Variants in NR5A1 observed in about 807,000 individuals in gnomAD.
The protein encoded by NR5A1 is nuclear receptor subfamily 5 group A member 1, also known as steroidogenic factor 1.
Under a neutral mutation model 42.7 loss-of-function variants are expected in NR5A1, and 6 were observed. The ratio of observed to expected loss-of-function variants is 0.14; its 90% CI spans 0.08 to 0.28. NR5A1 has a LOEUF of 0.28. NR5A1 is among the 10% of genes least tolerant of loss of function. NR5A1 has a pLI of 1.00. For synonymous variants in NR5A1, 274 were observed against 277.5 expected, an observed-to-expected ratio of 0.99 and a Z score of 0.12; for missense variants, 442 against 626.4, an observed-to-expected ratio of 0.71 and a Z score of 3.14.
chr9:124,486,313 G>T (rs1441614517), intron 6 of NR5A1, among the ~76,000 whole-genome samples: 1 of 152,192 alleles, frequency 6.6e-6, no homozygotes, highest in Non-Finnish European at 1.5e-5. Context: ...CACCCCCCAG[G>T]CACCTTGCAC....
chr9:124,500,378 C>A lies in NR5A1; in HGVS notation c.582G>T (p.Lys194Asn), dbSNP rs967058845. The A allele has an allele frequency of 1.3e-6, 2 of 1,557,486 alleles. No homozygotes were observed. The highest frequency in any genetic ancestry group is 1.7e-6 in the Non-Finnish European group (2 of 1,151,220). ...TGGCATAAGGCTCCGGGTACTCAGACTTGATGGCACGGCCAGGAAAGGCAG... is the reference window on the plus strand; with the variant it reads ...TGGCATAAGGCTCCGGGTACTCAGAATTGATGGCACGGCCAGGAAAGGCAG... ...LYPAFPGRAIKSEYPEPYASP... is the reference protein window; with the variant it reads ...LYPAFPGRAINSEYPEPYASP... Residue 194 changes from lysine (K) to asparagine (N), a missense_variant, in exon 4 of 7, where the codon AAG becomes AAT. Around this residue, in one of 3 missense-constraint regions of NR5A1, gnomAD observed 208 missense variants for 203.8 expected, o/e 1.02. Coordinates refer to ENST00000373588, the MANE Select transcript of NR5A1 (RefSeq NM_004959.5). The surrounding 1 kb of genome is among the most constrained non-coding windows in gnomAD (Gnocchi z 6.9).
At chr9:124,487,694 C>T (rs892966052) in intron 6 of NR5A1, among the ~76,000 whole-genome samples, 5 of 152,190 alleles carry the variant, frequency 3.3e-5, no homozygotes, top group African/African-American at 1.2e-4. Flanking sequence ...GGCGGAGCCG[C>T]CCCCGAGGGG....
intron 4 of NR5A1, among the ~76,000 whole-genome samples, chr9:124,495,165 C>T (rs978946967): frequency 3.3e-5 from 5 of 152,350 alleles, no homozygotes; most frequent in Admixed American, 6.5e-5. Flanking sequence ...AGCTTTCTTC[C>T]CAGAGCCCCT....
chr9:124,496,773 C>CG lies in NR5A1; in HGVS notation c.870+3316dup, dbSNP rs1312801471. 6.6e-6 allele frequency among the ~76,000 whole-genome samples: 1 copy of CG among 152,170 alleles called. No homozygotes were observed. Among genetic ancestry groups the CG allele is most frequent in the East Asian group, 1.9e-4 (1 of 5,196 alleles). On this transcript the variant is annotated intron_variant, in intron 4 of 6. Transcript: ENST00000373588. This position sits in a 1 kb window ranked among gnomAD's most constrained non-coding sequence, Gnocchi z 5.0. ...TTAAATCTGCTGTCAGTGGGGGCCT[C>CG]GGAGCTGGATGTTGAGGGTGAACGG...
Position 124,500,222 on chromosome 9 carries a change from G to A in NR5A1, c.738C>T (p.Gly246=). The A allele has an allele frequency of 6.2e-7, 1 of 1,608,480 alleles. No individual in the cohort carries two copies. Among genetic ancestry groups the A allele is most frequent in the Admixed American group, 1.7e-5 (1 of 59,648 alleles). ...GGCTTTTGGTGGGCTCCTGCAGGCA[G>A]CCCAAGATGCGGGCCCGCACCTGGT... ...DEDQVRARIL[G]CLQEPTKSRP... Residue 246 remains glycine (G), a synonymous_variant, in exon 4 of 7, where the codon GGC becomes GGT. Coordinates refer to ENST00000373588, the MANE Select transcript of NR5A1 (RefSeq NM_004959.5). The surrounding 1 kb of genome is among the most constrained non-coding windows in gnomAD (Gnocchi z 6.9).
intron 5 of NR5A1, among the ~76,000 whole-genome samples, chr9:124,492,137 ACC>A (rs1156819911): frequency 6.6e-6 from 1 of 150,730 alleles, no homozygotes; most frequent in Non-Finnish European, 1.5e-5. Context: ...TGTCTTCCCC[ACC>A]CCACAGCACC....
In NR5A1 at chr9:124,496,665, C is replaced by A. The variant is rs1035816242; in HGVS notation, c.870+3425G>T. 6.6e-6 allele frequency among the ~76,000 whole-genome samples: 1 copy of A among 152,210 alleles called. No individual in the cohort carries two copies. The highest frequency in any genetic ancestry group is 1.5e-5 in the Non-Finnish European group (1 of 68,034). The stretch of plus-strand genomic sequence containing the variant: ...CCACGGGCTGGCCACTGCGCTCTGC[C>A]GGCAGAGTGGTCAGTGAGGTGTCAT... On this transcript the variant is annotated intron_variant, in intron 4 of 6. Transcript: ENST00000373588. This position sits in a 1 kb window ranked among gnomAD's most constrained non-coding sequence, Gnocchi z 5.0.
chr9:124,493,093 G>A lies in NR5A1; in HGVS notation c.927C>T (p.Asp309=). 1 of 1,611,856 alleles carries A rather than the reference G, an allele frequency of 6.2e-7. No homozygotes were observed. Among genetic ancestry groups the A allele is most frequent in the Admixed American group, 1.7e-5 (1 of 59,962 alleles). Residue 309 remains aspartate, a synonymous_variant, in exon 5 of 7, where the codon GAC becomes GAT. Coordinates refer to ENST00000373588, the MANE Select transcript of NR5A1 (RefSeq NM_004959.5). The stretch of plus-strand genomic sequence containing the variant: ...CGTGCTGGACCTGGCGGTAGATGTG[G>A]TCGAACACCAGCAGCTCGCTCCAGC... ...QNCWSELLVF[D]HIYRQVQHGK...
chr9:124,492,782 C>T (rs966858080), intron 5 of NR5A1, among the ~76,000 whole-genome samples: 6 of 152,368 alleles, frequency 3.9e-5, no homozygotes, highest in Non-Finnish European at 7.3e-5. Context: ...CCTCACCATG[C>T]CCACACCCCC....
At chr9:124,499,797 G>A (rs987227355) in intron 4 of NR5A1, among the ~76,000 whole-genome samples, 3 of 152,170 alleles carry the variant, frequency 2.0e-5, no homozygotes, top group Non-Finnish European at 4.4e-5. Flanking sequence ...AAGAAGCAGA[G>A]AGACAACATG....
At chr9:124,486,336 A>T (rs1832208888) in intron 6 of NR5A1, among the ~76,000 whole-genome samples, 1 of 152,194 alleles carries the variant, frequency 6.6e-6, no homozygotes, top group African/African-American at 2.4e-5. Flanking sequence ...AGCTCGGTTC[A>T]TCTCAGCAGA....
rs1353180219 is a variant in NR5A1, at chr9:124,496,060, G to C, written c.871-2911C>G. On this transcript the variant is annotated intron_variant, in intron 4 of 6. Coordinates refer to ENST00000373588, the MANE Select transcript of NR5A1 (RefSeq NM_004959.5). The surrounding 1 kb of genome is among the most constrained non-coding windows in gnomAD (Gnocchi z 5.0). Reference sequence around the variant, plus strand: ...TGCTGTTGGTTCTTACGTGGATGCTGCCCGGCCGGGATCCCACCTGCCCCT... The same window carrying C: ...TGCTGTTGGTTCTTACGTGGATGCTCCCCGGCCGGGATCCCACCTGCCCCT... Among the ~76,000 whole-genome samples, 2 of 152,160 alleles carry C rather than the reference G, an allele frequency of 1.3e-5. No homozygotes were observed. The highest frequency in any genetic ancestry group is 3.9e-4 in the East Asian group (2 of 5,194).
chr9:124,491,277 G>T, intron 5 of NR5A1, 49 bp from the exon 6 acceptor site: 1 of 1,482,356 alleles, frequency 6.7e-7, no homozygotes, highest in South Asian at 1.2e-5. Context: ...ACGTGGGTCC[G>T]GGCAGGTGGC....
At chr9:124,495,653 C>T (rs1251369284) in intron 4 of NR5A1, among the ~76,000 whole-genome samples, 1 of 152,162 alleles carries the variant, frequency 6.6e-6, no homozygotes, top group African/African-American at 2.4e-5. Flanking sequence ...GGAGCAGACA[C>T]GCTTGCGCCC....
At position 124,496,720 on chromosome 9, in the gene NR5A1, G is replaced by T. The variant is rs972545586; in HGVS notation, c.870+3370C>A. 6.6e-6 allele frequency among the ~76,000 whole-genome samples: 1 copy of T among 152,192 alleles called. No homozygotes were observed. ...CAGCCCAGGACTGACAGTTACTGCCGCTTAAATGAAACCGTCTATCTGGGC... is the reference window on the plus strand; with the variant it reads ...CAGCCCAGGACTGACAGTTACTGCCTCTTAAATGAAACCGTCTATCTGGGC... On this transcript the variant is annotated intron_variant, in intron 4 of 6. Transcript: ENST00000373588. This position sits in a 1 kb window ranked among gnomAD's most constrained non-coding sequence, Gnocchi z 5.0.
Position 124,500,841 on chromosome 9 carries a change from A to G in NR5A1, c.245-126T>C. 6.9e-7 allele frequency: 1 copy of G among 1,441,784 alleles called. No homozygotes were observed. Among genetic ancestry groups the G allele is most frequent in the Non-Finnish European group, 9.7e-7 (1 of 1,035,086 alleles). The allele number at this position is 1,441,784 out of a possible 1,614,324, so 89.3% of individuals were successfully genotyped here. A position where few individuals can be genotyped will look rare whatever the true frequency, so the allele number is the denominator to read the frequency against. On this transcript the variant is annotated intron_variant, in intron 3 of 6. Coordinates refer to ENST00000373588, the MANE Select transcript of NR5A1 (RefSeq NM_004959.5). The surrounding 1 kb of genome is among the most constrained non-coding windows in gnomAD (Gnocchi z 6.9). Reference sequence around the variant, plus strand: ...TGCTCAACACCCTTTCATGGCTCCCACTGACCACAGGGGAAGTCAGTCTCC... The same window carrying G: ...TGCTCAACACCCTTTCATGGCTCCCGCTGACCACAGGGGAAGTCAGTCTCC...
rs1036880197 is a variant in NR5A1, at chr9:124,490,935, T to G, written c.1138+146A>C. On this transcript the variant is annotated intron_variant, in intron 6 of 6. Transcript: ENST00000373588. ...CGGGGGCCCTCAGACCTTTGTTCAC[T>G]GAATGAGTAAGGGAGGGGTCCTTTC... is the stretch of plus-strand genomic sequence containing the variant. 4 of 1,054,512 alleles carry G rather than the reference T, an allele frequency of 3.8e-6. No homozygotes were observed. The Admixed American group carries it at 8.7e-5, about 23-fold the overall frequency. The allele number at this position is 1,054,512 out of a possible 1,614,324, so 65.3% of individuals were successfully genotyped here.
At position 124,501,299 on chromosome 9, in the gene NR5A1, C is replaced by T. The variant is rs559242311; in HGVS notation, c.245-584G>A. Reference sequence around the variant, plus strand: ...GGTCCAGCTGTTTGTTGACTGACTGCCTGACTGTTGAGCTCCTGCTTCAAA... The same window carrying T: ...GGTCCAGCTGTTTGTTGACTGACTGTCTGACTGTTGAGCTCCTGCTTCAAA... On this transcript the variant is annotated intron_variant, in intron 3 of 6. Coordinates refer to ENST00000373588, the MANE Select transcript of NR5A1 (RefSeq NM_004959.5). The surrounding 1 kb of genome is among the most constrained non-coding windows in gnomAD (Gnocchi z 4.1). Among the ~76,000 whole-genome samples the T allele has an allele frequency of 6.6e-6, 1 of 152,332 alleles. No individual in the cohort carries two copies. Among genetic ancestry groups the T allele is most frequent in the Admixed American group, 6.5e-5 (1 of 15,302 alleles).
chr9:124,498,452 C>T lies in NR5A1; in HGVS notation c.870+1638G>A, dbSNP rs1183843661. On this transcript the variant is annotated intron_variant, in intron 4 of 6. Transcript: ENST00000373588. This position sits in a 1 kb window ranked among gnomAD's most constrained non-coding sequence, Gnocchi z 4.6. ...ACTCAGCAAAGCTGGGACAAAAGCC[C>T]TTCCCATCCTGCGTGAAAATCCCCG... Among the ~76,000 whole-genome samples, 1 of 152,232 alleles carries T rather than the reference C, an allele frequency of 6.6e-6. No homozygotes were observed. Among genetic ancestry groups the T allele is most frequent in the Non-Finnish European group, 1.5e-5 (1 of 68,046 alleles).
Sources: allele counts gnomAD v4.1 joint callset (sites outside exome capture counted in the v4.1 genomes callset), GRCh38; gene constraint gnomAD v4.1.1; regional missense constraint gnomAD v4.1.1; non-coding constraint Gnocchi (gnomAD v3.1); transcripts MANE v1.5; gene names NCBI Gene and HGNC (gene_info 2026-07-23, HGNC 2026-07-21).